The following RAI14 variants were observed in gnomAD, a reference collection of about 807,000 sequenced individuals.
RAI14 encodes the protein retinoic acid induced 14.
In RAI14, 45 loss-of-function variants were observed where a neutral mutation model predicts 115.4. The ratio of observed to expected loss-of-function variants is 0.39; its 90% CI spans 0.31 to 0.50. The LOEUF is 0.50. Among genes scored for constraint, RAI14 ranks in the 20% least tolerant of loss-of-function variants. The pLI, the probability that RAI14 is intolerant of heterozygous loss-of-function variation, is 0.85. For missense variants in RAI14, 939 were observed against 1,131.2 expected, an observed-to-expected ratio of 0.83 and a Z score of 2.44; for synonymous variants, 371 against 415.4, an observed-to-expected ratio of 0.89 and a Z score of 1.30.
intron 3 of RAI14, among the ~76,000 whole-genome samples, chr5:34,776,800 C>A (rs1483731011): frequency 8.0e-5 from 12 of 149,304 alleles, no homozygotes; most frequent in Non-Finnish European, 1.5e-5. Context: ...GAGTGAGACC[C>A]TTTATTAAAA....
chr5:34,709,414 C>G (rs1561263354), intron 2 of RAI14, among the ~76,000 whole-genome samples: 2 of 152,158 alleles, frequency 1.3e-5, no homozygotes, highest in Non-Finnish European at 1.5e-5. Flanking sequence ...TGCCACTGCA[C>G]TCCAGCCTGG....
chr5:34,714,602 A>G (rs1403221099), intron 2 of RAI14, among the ~76,000 whole-genome samples: 2 of 152,258 alleles, frequency 1.3e-5, no homozygotes, highest in African/African-American at 4.8e-5. Flanking sequence ...AGAACTCTTC[A>G]GCTTTAAAAT....
intron 3 of RAI14, among the ~76,000 whole-genome samples, chr5:34,787,315 G>T (rs1182302624): frequency 6.6e-6 from 1 of 152,216 alleles, no homozygotes; most frequent in African/African-American, 2.4e-5. Flanking sequence ...GAATGGTGGG[G>T]CATGATAGTA....
Position 34,690,922 on chromosome 5 carries a change from A to T in RAI14, c.36+3967A>T, listed in dbSNP as rs1450519704. On this transcript the variant is annotated intron_variant, in intron 2 of 17. Transcript: ENST00000265109. ...TAAACCTCGGTGGGAGGAGAAAAAA[A>T]CATATAGGAAATAACTAGAGCAAAA... 3.9e-5 allele frequency among the ~76,000 whole-genome samples: 6 copies of T among 152,260 alleles called. No individual in the cohort carries two copies. The East Asian group carries it at 1.2e-3, about 29-fold the overall frequency.
At chr5:34,743,866 GTTTC>G in intron 2 of RAI14, among the ~76,000 whole-genome samples, 1 of 152,310 alleles carries the variant, frequency 6.6e-6, no homozygotes, top group East Asian at 1.9e-4. Flanking sequence ...TTGAAGGACT[GTTTC>G]CATGGCATGT....
At chr5:34,702,451 C>T (rs1459063341) in intron 2 of RAI14, among the ~76,000 whole-genome samples, 1 of 152,146 alleles carries the variant, frequency 6.6e-6, no homozygotes, top group Non-Finnish European at 1.5e-5. Flanking sequence ...CTCACGCCAG[C>T]CTGGGCGATC....
intron 3 of RAI14, among the ~76,000 whole-genome samples, chr5:34,767,175 A>G (rs1036897308): frequency 1.3e-5 from 2 of 152,156 alleles, no homozygotes; most frequent in African/African-American, 2.4e-5. Flanking sequence ...TTTTAGAGCT[A>G]TTTTCAAAGT....
At chr5:34,776,803 T>TCAAAAAAAAAAAAACAACAA (rs1279080501) in intron 3 of RAI14, among the ~76,000 whole-genome samples, 22 of 144,962 alleles carry the variant, frequency 1.5e-4, no homozygotes, top group Non-Finnish European at 2.8e-4. Context: ...TGAGACCCTT[T>TCAAAAAAAAAAAAACAACAA]ATTAAAAAAA....
At chr5:34,794,165 G>A (rs1176059426) in intron 3 of RAI14, among the ~76,000 whole-genome samples, 1 of 152,196 alleles carries the variant, frequency 6.6e-6, no homozygotes, top group Non-Finnish European at 1.5e-5. Context: ...GCTCATGCCT[G>A]TAATCGCAGC....
chr5:34,804,676 T>C (rs336466), intron 5 of RAI14, among the ~76,000 whole-genome samples: 138,341 of 152,252 alleles, frequency 0.91, 63,612 homozygotes, highest in Non-Finnish European at 0.99. Flanking sequence ...GTTCCAAGAA[T>C]GCTTAACCTT....
chr5:34,815,834 T>A (rs775380772), intron 12 of RAI14, among the ~76,000 whole-genome samples: 18 of 152,236 alleles, frequency 1.2e-4, no homozygotes, highest in Non-Finnish European at 2.1e-4. Flanking sequence ...GTGTGTGAGA[T>A]TAATTAGCTC....
intron 3 of RAI14, among the ~76,000 whole-genome samples, chr5:34,795,654 G>A (rs111886943): frequency 0.01 from 1,535 of 152,274 alleles, 29 homozygotes; most frequent in African/African-American, 0.036. Context: ...ACAAATATAT[G>A]GCTGAATCTT....
intron 1 of RAI14, among the ~76,000 whole-genome samples, chr5:34,676,017 T>C (rs1174363125): frequency 6.6e-6 from 1 of 152,266 alleles, no homozygotes; most frequent in Non-Finnish European, 1.5e-5. Flanking sequence ...TATGTTTTCA[T>C]TTCTCTCGTA....
At chr5:34,675,795 G>A (rs907358044) in intron 1 of RAI14, among the ~76,000 whole-genome samples, 2 of 151,844 alleles carry the variant, frequency 1.3e-5, no homozygotes, top group Admixed American at 1.3e-4. Context: ...TATAATGTGT[G>A]GTCTTTTCTG....
At chr5:34,707,571 A>T (rs1254275310) in intron 2 of RAI14, among the ~76,000 whole-genome samples, 2 of 152,188 alleles carry the variant, frequency 1.3e-5, no homozygotes, top group African/African-American at 2.4e-5. Flanking sequence ...GTGTCCACTG[A>T]TAATTGCTTC....
chr5:34,679,904 G>A lies in RAI14; in HGVS notation c.-48-6968G>A, dbSNP rs183600057. 4.0e-5 allele frequency among the ~76,000 whole-genome samples: 6 copies of A among 151,474 alleles called. No homozygotes were observed. The East Asian group carries it at 1.2e-3, about 30-fold the overall frequency. On this transcript the variant is annotated intron_variant, in intron 1 of 17. Transcript: ENST00000265109. ...AGCTCACCCTCCTCAGTACACCTGG[G>A]ATCCACGAGAGCCTTGCTGAGGTCA... is the stretch of plus-strand genomic sequence containing the variant.
intron 2 of RAI14, among the ~76,000 whole-genome samples, chr5:34,723,011 A>G (rs964652802): frequency 6.6e-6 from 1 of 151,696 alleles, no homozygotes; most frequent in Non-Finnish European, 1.5e-5. Flanking sequence ...GAGGCAGGAG[A>G]ATCGCTTGAA....
chr5:34,724,371 AC>A (rs2150004627), intron 2 of RAI14, among the ~76,000 whole-genome samples: 1 of 152,172 alleles, frequency 6.6e-6, no homozygotes, highest in African/African-American at 2.4e-5. Context: ...TTGATAAGAT[AC>A]CCATTTCTAT....
intron 12 of RAI14, among the ~76,000 whole-genome samples, chr5:34,817,909 A>G (rs1021822550): frequency 6.6e-6 from 1 of 152,262 alleles, no homozygotes; most frequent in Non-Finnish European, 1.5e-5. Context: ...TTCCATAGGT[A>G]TACATCTGTC....
Sources: gnomAD v4.1 joint callset for allele counts (sites outside exome capture counted in the v4.1 genomes callset) on GRCh38, gnomAD v4.1.1 for gene constraint, MANE v1.5 for transcripts, NCBI Gene and HGNC (gene_info 2026-07-23, HGNC 2026-07-21) for gene names.